Variants in MINDY2 observed in about 807,000 individuals in gnomAD.
The protein encoded by MINDY2 is ubiquitin carboxyl-terminal hydrolase MINDY-2.
Under a neutral mutation model 68.2 loss-of-function variants are expected in MINDY2, and 52 were observed. That is an observed-to-expected ratio of 0.76 (90% CI 0.61 to 0.96). The LOEUF is 0.96. MINDY2 is among the 40% of genes least tolerant of loss of function. The probability of loss-of-function intolerance (pLI) is 0.00; values close to 1 mark genes in which losing one functional copy is unlikely to be tolerated. For synonymous variants in MINDY2, 372 were observed against 303.0 expected, an observed-to-expected ratio of 1.23 and a Z score of -2.36; for missense variants, 881 against 773.4, an observed-to-expected ratio of 1.14 and a Z score of -1.65.
At chr15:58,775,942 A>G (rs1427099835) in intron 1 of MINDY2, among the ~76,000 whole-genome samples, 1 of 148,396 alleles carries the variant, frequency 6.7e-6, no homozygotes, top group African/African-American at 2.5e-5. Flanking sequence ...GGCTCACTGC[A>G]GCCTCTGCCT....
chr15:58,771,714 A>C lies in MINDY2; in HGVS notation c.319A>C (p.Lys107Gln). Reference sequence around the variant, plus strand: ...CGAGGCGCCTCTGAGAGGGCAGTACAAGGTGACCGCCTCCCCGGAGACAGC... The same window carrying C: ...CGAGGCGCCTCTGAGAGGGCAGTACCAGGTGACCGCCTCCCCGGAGACAGC... ...AAEAPLRGQYKVTASPETAVA... is the reference protein window; with the variant it reads ...AAEAPLRGQYQVTASPETAVA... Residue 107 changes from lysine (K) to glutamine (Q), a missense_variant, in exon 1 of 9, where the codon AAG becomes CAG. Physicochemically the swap from Lys to Gln is moderately conservative, Grantham distance 53. Coordinates refer to ENST00000559228, the MANE Select transcript of MINDY2 (RefSeq NM_001040450.3). 1 of 1,612,248 alleles carries C rather than the reference A, an allele frequency of 6.2e-7. No homozygotes were observed. Among genetic ancestry groups the C allele is most frequent in the Non-Finnish European group, 8.5e-7 (1 of 1,179,754 alleles).
intron 3 of MINDY2, among the ~76,000 whole-genome samples, chr15:58,803,762 G>A (rs1412984037): frequency 1.3e-5 from 2 of 152,004 alleles, no homozygotes; most frequent in African/African-American, 4.8e-5. Flanking sequence ...GTTGCAGTGA[G>A]CCGAGATTGC....
chr15:58,819,766 A>C (rs530638033), intron 4 of MINDY2, among the ~76,000 whole-genome samples: 1 of 152,332 alleles, frequency 6.6e-6, no homozygotes, highest in South Asian at 2.1e-4. Flanking sequence ...GAGGAAAATA[A>C]CATCTGAACA....
chr15:58,773,014 T>G (rs1490380797), intron 1 of MINDY2, among the ~76,000 whole-genome samples: 2 of 152,212 alleles, frequency 1.3e-5, no homozygotes, highest in African/African-American at 4.8e-5. Context: ...CAGAGCGAGT[T>G]ACCTGTCAAA....
intron 1 of MINDY2, 113 bp downstream of exon 1, chr15:58,772,348 C>T (rs1442031423): frequency 1.4e-6 from 2 of 1,453,608 alleles, no homozygotes; most frequent in African/African-American, 1.4e-5. Flanking sequence ...CATCAGTCCC[C>T]TTCTTACATG....
chr15:58,822,304 G>GT (rs2031114974), intron 5 of MINDY2, among the ~76,000 whole-genome samples: 1 of 151,746 alleles, frequency 6.6e-6, no homozygotes, highest in Non-Finnish European at 1.5e-5. Context: ...CCAATGAAAG[G>GT]TTTTTCCTAG....
At chr15:58,840,427 A>T (rs1472413547) in intron 6 of MINDY2, among the ~76,000 whole-genome samples, 1 of 152,060 alleles carries the variant, frequency 6.6e-6, no homozygotes, top group Non-Finnish European at 1.5e-5. Flanking sequence ...CATCTCTGTT[A>T]GTTATTACTT....
At chr15:58,780,260 C>G (rs1475327977) in intron 1 of MINDY2, among the ~76,000 whole-genome samples, 1 of 151,894 alleles carries the variant, frequency 6.6e-6, no homozygotes, top group South Asian at 2.1e-4. Flanking sequence ...CAAAATTAGC[C>G]GGGTGTGGTG....
At chr15:58,841,146 T>G (rs1277301207) in intron 6 of MINDY2, among the ~76,000 whole-genome samples, 1 of 151,618 alleles carries the variant, frequency 6.6e-6, no homozygotes, top group Non-Finnish European at 1.5e-5. Context: ...CATGTCCAGC[T>G]AATTTTTTGT....
At chr15:58,818,697 A>T (rs186190316) in intron 4 of MINDY2, among the ~76,000 whole-genome samples, 181 of 141,980 alleles carry the variant, frequency 1.3e-3, no homozygotes, top group African/African-American at 4.6e-3. Context: ...CTTGCTACCC[A>T]GGTGTGATCT....
At chr15:58,821,551 A>T (rs1267582038) in intron 4 of MINDY2, among the ~76,000 whole-genome samples, 166 bp from the exon 5 acceptor site, 5 of 152,196 alleles carry the variant, frequency 3.3e-5, no homozygotes, top group African/African-American at 4.8e-5. Flanking sequence ...GCTGTAAACA[A>T]ACTTGGAAAC....
intron 1 of MINDY2, among the ~76,000 whole-genome samples, chr15:58,785,135 CAAAAAAAA>C (rs397719705): frequency 3.8e-4 from 26 of 68,472 alleles, no homozygotes; most frequent in African/African-American, 1.0e-3. Context: ...TGAAGGAAAG[CAAAAAAAA>C]AAAAAAAAAA....
chr15:58,844,773 C>T (rs1439566326), intron 6 of MINDY2, among the ~76,000 whole-genome samples: 2 of 150,678 alleles, frequency 1.3e-5, no homozygotes, highest in African/African-American at 2.4e-5. Context: ...AAAAATTAGC[C>T]AGGCGTGGTG....
At position 58,860,802 on chromosome 15, in the gene MINDY2, C is replaced by G. The variant is rs1260011001; in HGVS notation, c.*6192C>G. On this transcript the variant is annotated 3_prime_UTR_variant, in exon 9 of 9. Transcript: ENST00000559228. ...TTGAAGACCTGTCTTGTATGTCTCT[C>G]AATTTTGTCAGAATTTTTATTATTG... 1 of 152,104 alleles carries G rather than the reference C, an allele frequency of 6.6e-6. No homozygotes were observed. Among genetic ancestry groups the G allele is most frequent in the South Asian group, 2.1e-4 (1 of 4,828 alleles). 9.4% of individuals were successfully genotyped at this position (152,104 alleles called of 1,614,324 possible).
chr15:58,847,225 C>G, intron 6 of MINDY2, 72 bp from the exon 7 acceptor site: 1 of 1,239,232 alleles, frequency 8.1e-7, no homozygotes, highest in Non-Finnish European at 1.1e-6. Flanking sequence ...GATTGTAAAA[C>G]TTTCCTTAAA....
chr15:58,783,761 T>C (rs546332969), intron 1 of MINDY2, among the ~76,000 whole-genome samples: 1 of 152,148 alleles, frequency 6.6e-6, no homozygotes, highest in Admixed American at 6.5e-5. Context: ...TTGTTCAACA[T>C]GTCAAAACCC....
intron 3 of MINDY2, among the ~76,000 whole-genome samples, chr15:58,807,882 C>G (rs992755242): frequency 1.3e-5 from 2 of 152,118 alleles, no homozygotes; most frequent in Admixed American, 6.6e-5. Flanking sequence ...GCACTGGCAT[C>G]TACTTTGGAA....
chr15:58,842,046 C>T (rs988185542), intron 6 of MINDY2, among the ~76,000 whole-genome samples: 4 of 151,998 alleles, frequency 2.6e-5, no homozygotes, highest in Non-Finnish European at 5.9e-5. Context: ...ACTAAGATTA[C>T]ATAGCCCCTG....
chr15:58,825,013 T>C (rs2031304051), intron 5 of MINDY2, among the ~76,000 whole-genome samples: 1 of 152,188 alleles, frequency 6.6e-6, no homozygotes, highest in South Asian at 2.1e-4. Flanking sequence ...GTTAAAGTAA[T>C]CTGCTTTCAT....
Sources: allele counts gnomAD v4.1 joint callset (sites outside exome capture counted in the v4.1 genomes callset), GRCh38; gene constraint gnomAD v4.1.1; transcripts MANE v1.5; gene names NCBI Gene and HGNC (gene_info 2026-07-23, HGNC 2026-07-21).